The following NTN1 variants were observed in gnomAD, a reference collection of about 807,000 sequenced individuals.
NTN1 encodes netrin-1.
A neutral mutation model predicts 54.2 loss-of-function variants in NTN1; 11 were observed. The observed-to-expected ratio is 0.20, with a 90% confidence interval of 0.13 to 0.34. The LOEUF is 0.34. Among genes scored for constraint, NTN1 ranks in the 10% least tolerant of loss-of-function variants. The probability of loss-of-function intolerance (pLI) is 1.00; values close to 1 mark genes in which losing one functional copy is unlikely to be tolerated. For synonymous variants in NTN1, 371 were observed against 382.0 expected (o/e 0.97, Z 0.33); for missense variants, 740 against 893.1 (o/e 0.83, Z 2.18).
chr17:9,015,757 T>C, the NTN1 span, among the ~76,000 whole-genome samples: 10 of 151,844 alleles, frequency 6.6e-5, no homozygotes, highest in Admixed American at 1.3e-4. Flanking sequence ...TCCCTCTTCA[T>C]TAAAACAACA....
chr17:9,175,634 AC>A (rs1180835924), intron 3 of NTN1: 1 of 152,136 alleles, frequency 6.6e-6, no homozygotes, highest in Non-Finnish European at 1.5e-5. Flanking sequence ...AAAGGCACTA[AC>A]CCAGGGTCAC....
intron 2 of NTN1, among the ~76,000 whole-genome samples, chr17:9,122,878 T>C (rs917960517): frequency 1.3e-5 from 2 of 152,220 alleles, no homozygotes; most frequent in Non-Finnish European, 2.9e-5. Context: ...TTTGTAGTTT[T>C]GCATGGTTGC....
At chr17:9,100,140 C>A (rs571503628) in intron 2 of NTN1, among the ~76,000 whole-genome samples, 1 of 150,846 alleles carries the variant, frequency 6.6e-6, no homozygotes, top group Non-Finnish European at 1.5e-5. Context: ...GGAAGTTATT[C>A]GAAACATCTT....
chr17:9,180,636 C>T (rs915929407), intron 4 of NTN1, among the ~76,000 whole-genome samples: 9 of 152,250 alleles, frequency 5.9e-5, no homozygotes, highest in African/African-American at 2.2e-4. Flanking sequence ...GGCATTCCCC[C>T]TGCCCCTGGT....
At chr17:9,025,256 T>A (rs1410947584) in intron 2 of NTN1, among the ~76,000 whole-genome samples, 1 of 152,232 alleles carries the variant, frequency 6.6e-6, no homozygotes, top group Non-Finnish European at 1.5e-5. Flanking sequence ...ACACGTAACC[T>A]GCGTTTGTTA....
the NTN1 span, among the ~76,000 whole-genome samples, chr17:9,013,206 TTTTC>T: frequency 2.1e-5 from 2 of 97,310 alleles, no homozygotes; most frequent in Admixed American, 1.2e-4. Flanking sequence ...TTTTTTTCTT[TTTTC>T]TTTTTCTTTT....
intron 2 of NTN1, among the ~76,000 whole-genome samples, chr17:9,125,287 C>T (rs2092243362): frequency 6.6e-6 from 1 of 151,482 alleles, no homozygotes; most frequent in African/African-American, 2.4e-5. Flanking sequence ...AGTGCAGTGG[C>T]ACAATCTAGG....
the NTN1 span, among the ~76,000 whole-genome samples, chr17:9,004,232 C>T: frequency 1.3e-5 from 2 of 152,242 alleles, no homozygotes; most frequent in Non-Finnish European, 2.9e-5. Context: ...CCGGAGCGTG[C>T]CCGAGGCGAC....
chr17:9,194,783 C>T (rs541390628), intron 5 of NTN1, among the ~76,000 whole-genome samples: 2 of 152,290 alleles, frequency 1.3e-5, no homozygotes, highest in South Asian at 2.1e-4. Flanking sequence ...GCCAAGGGGC[C>T]GTGGGACTCT....
At chr17:9,116,115 A>G in intron 2 of NTN1, among the ~76,000 whole-genome samples, 1 of 152,182 alleles carries the variant, frequency 6.6e-6, no homozygotes. Context: ...TCTTGGTCCT[A>G]GCCAGGGCTC....
At chr17:9,113,027 T>C (rs1428016335) in intron 2 of NTN1, among the ~76,000 whole-genome samples, 1 of 145,198 alleles carries the variant, frequency 6.9e-6, no homozygotes, top group Non-Finnish European at 1.5e-5. Context: ...GAATTTTTTT[T>C]ATTTTTATTT....
intron 6 of NTN1, among the ~76,000 whole-genome samples, chr17:9,228,233 G>T (rs1459669914): frequency 1.3e-5 from 2 of 152,240 alleles, no homozygotes; most frequent in Non-Finnish European, 2.9e-5. Flanking sequence ...CTTCCTGGAG[G>T]AGGGAGCCTG....
chr17:9,045,117 C>G (rs2091937616), intron 2 of NTN1, among the ~76,000 whole-genome samples: 2 of 152,152 alleles, frequency 1.3e-5, no homozygotes, highest in Non-Finnish European at 2.9e-5. Context: ...ATGGAATTAA[C>G]TGGGAATAGG....
intron 6 of NTN1, among the ~76,000 whole-genome samples, chr17:9,229,873 G>A (rs1227286625): frequency 2.6e-5 from 4 of 152,138 alleles, no homozygotes; most frequent in African/African-American, 7.2e-5. Flanking sequence ...GGGAATGACC[G>A]TAGCTCACTA....
At chr17:9,204,151 CAAGGA>C (rs1387963860) in intron 5 of NTN1, among the ~76,000 whole-genome samples, 1 of 151,336 alleles carries the variant, frequency 6.6e-6, no homozygotes, top group Non-Finnish European at 1.5e-5. Flanking sequence ...AACAGGAGTG[CAAGGA>C]TAGACCACCC....
At chr17:9,068,529 A>G (rs1301807012) in intron 2 of NTN1, among the ~76,000 whole-genome samples, 1 of 121,278 alleles carries the variant, frequency 8.2e-6, no homozygotes, top group African/African-American at 3.2e-5. Context: ...TTTTTTTTTG[A>G]GATGGAGTTT....
chr17:9,215,403 T>G (rs993074625), intron 5 of NTN1, among the ~76,000 whole-genome samples: 2 of 152,192 alleles, frequency 1.3e-5, no homozygotes, highest in Admixed American at 1.3e-4. Flanking sequence ...ATCTCTATGT[T>G]TACTGGTTTC....
chr17:9,196,923 C>T (rs1307468791), intron 5 of NTN1, among the ~76,000 whole-genome samples: 2 of 152,266 alleles, frequency 1.3e-5, no homozygotes, highest in Middle Eastern at 3.4e-3. Context: ...TCACGAGGGC[C>T]GACTGTGCAT....
At chr17:9,093,909 G>A (rs2092121900) in intron 2 of NTN1, among the ~76,000 whole-genome samples, 1 of 152,130 alleles carries the variant, frequency 6.6e-6, no homozygotes, top group Non-Finnish European at 1.5e-5. Context: ...GGGAGGCAGA[G>A]GTTGCAGTGA....
Sources: allele counts gnomAD v4.1 joint callset (sites outside exome capture counted in the v4.1 genomes callset), GRCh38; gene constraint gnomAD v4.1.1; transcripts MANE v1.5; gene names NCBI Gene and HGNC (gene_info 2026-07-23, HGNC 2026-07-21).